The following GPHN variants were observed in gnomAD, a reference collection of about 807,000 sequenced individuals.
GPHN encodes gephyrin.
GPHN carries 17 observed loss-of-function variants against 95.5 expected under a neutral mutation model. The ratio of observed to expected loss-of-function variants is 0.18; its 90% CI spans 0.12 to 0.27. The LOEUF (loss-of-function observed/expected upper bound fraction) is 0.27. GPHN is among the 10% of genes least tolerant of loss of function. GPHN has a pLI of 1.00. For synonymous variants in GPHN, 320 were observed against 322.5 expected (o/e 0.99, Z 0.08); for missense variants, 660 against 978.1 (o/e 0.67, Z 4.34).
intron 10 of GPHN, among the ~76,000 whole-genome samples, chr14:67,023,897 C>T (rs2073793604): frequency 6.6e-6 from 1 of 152,084 alleles, no homozygotes; most frequent in Non-Finnish European, 1.5e-5. Context: ...CTTTGATGCA[C>T]TCCTAGGAGG....
the GPHN span, among the ~76,000 whole-genome samples, chr14:67,478,882 A>G: frequency 6.6e-6 from 1 of 151,696 alleles, no homozygotes; most frequent in African/African-American, 2.4e-5. Context: ...CAGCCTCCTG[A>G]GGAATGCTTG....
At chr14:66,761,658 T>C (rs2058758554) in intron 2 of GPHN, among the ~76,000 whole-genome samples, 1 of 151,244 alleles carries the variant, frequency 6.6e-6, no homozygotes. Flanking sequence ...AATACTCAGT[T>C]CTTTTTTTTT....
chr14:66,859,870 G>A (rs745679031), intron 4 of GPHN, among the ~76,000 whole-genome samples: 4 of 152,010 alleles, frequency 2.6e-5, no homozygotes, highest in Non-Finnish European at 5.9e-5. Context: ...TAGCAGAATC[G>A]ATCAATCAGA....
chr14:66,528,712 A>T (rs1325945873), intron 1 of GPHN, among the ~76,000 whole-genome samples: 1 of 152,010 alleles, frequency 6.6e-6, no homozygotes, highest in African/African-American at 2.4e-5. Flanking sequence ...TTTCTCCTTC[A>T]CTTGTGAAGC....
chr14:66,536,279 G>T (rs375996130), intron 1 of GPHN, among the ~76,000 whole-genome samples: 1 of 152,092 alleles, frequency 6.6e-6, no homozygotes, highest in African/African-American at 2.4e-5. Context: ...TGAATAGGTG[G>T]TAAACTTTGT....
At chr14:67,331,187 G>T in the GPHN span, among the ~76,000 whole-genome samples, 1 of 152,096 alleles carries the variant, frequency 6.6e-6, no homozygotes. Flanking sequence ...TGGGATTACA[G>T]ATGTGCACCA....
the GPHN span, among the ~76,000 whole-genome samples, chr14:67,636,254 A>G: frequency 3.3e-5 from 5 of 151,384 alleles, no homozygotes; most frequent in African/African-American, 1.2e-4. Context: ...GGATAGTCTT[A>G]TGCTGTCAAA....
the GPHN span, among the ~76,000 whole-genome samples, chr14:67,436,551 G>A: frequency 1.3e-5 from 2 of 152,156 alleles, no homozygotes; most frequent in African/African-American, 4.8e-5. Flanking sequence ...CCAGGCAGGG[G>A]AGAGTTTCTT....
At chr14:66,616,486 C>T (rs1302522837) in intron 1 of GPHN, among the ~76,000 whole-genome samples, 1 of 151,664 alleles carries the variant, frequency 6.6e-6, no homozygotes, top group East Asian at 2.0e-4. Context: ...AGGGCCACTG[C>T]AATTTGCTGG....
chr14:67,168,351 A>G (rs1308159151), intron 20 of GPHN, among the ~76,000 whole-genome samples: 2 of 152,210 alleles, frequency 1.3e-5, no homozygotes, highest in African/African-American at 4.8e-5. Context: ...CTCCAAATAT[A>G]GTCAATCATA....
At chr14:66,974,847 TCAC>T (rs2070107414) in intron 9 of GPHN, among the ~76,000 whole-genome samples, 1 of 152,190 alleles carries the variant, frequency 6.6e-6, no homozygotes, top group Non-Finnish European at 1.5e-5. Context: ...TGATGATGAA[TCAC>T]TTAATACATG....
the GPHN span, among the ~76,000 whole-genome samples, chr14:67,480,049 G>A: frequency 3.9e-5 from 6 of 152,138 alleles, no homozygotes; most frequent in Non-Finnish European, 4.4e-5. Context: ...TGAGGATAAC[G>A]GAAGTAATGA....
At position 66,664,034 on chromosome 14, in the gene GPHN, G is replaced by A. The variant is rs146957315; in HGVS notation, c.65-17073G>A. 3.5e-3 allele frequency among the ~76,000 whole-genome samples: 535 copies of A among 152,278 alleles called. 1 individual carries two copies. Among genetic ancestry groups the A allele is most frequent in the Non-Finnish European group, 6.1e-3 (413 of 68,024 alleles). On this transcript the variant is annotated intron_variant, in intron 1 of 22. Coordinates refer to ENST00000478722, the MANE Select transcript of GPHN (RefSeq NM_020806.5). Reference sequence around the variant, plus strand: ...TTAGACTCCCACACAATAATAGTGGGAGACTTTAACACCGCACTGACAATA... The same window carrying A: ...TTAGACTCCCACACAATAATAGTGGAAGACTTTAACACCGCACTGACAATA...
the GPHN span, among the ~76,000 whole-genome samples, chr14:67,219,968 G>A: frequency 6.6e-6 from 1 of 152,192 alleles, no homozygotes; most frequent in African/African-American, 2.4e-5. Context: ...GTTAATTATG[G>A]ATGAAAGATG....
At chr14:67,727,074 G>A in the GPHN span, 5 of 1,613,982 alleles carry the variant, frequency 3.1e-6, no homozygotes, top group African/African-American at 6.7e-5. Flanking sequence ...CACCACATTG[G>A]CAAGATTCCC....
the GPHN span, among the ~76,000 whole-genome samples, chr14:67,516,902 T>C: frequency 6.6e-6 from 1 of 152,240 alleles, no homozygotes; most frequent in African/African-American, 2.4e-5. Context: ...GCAGGAACTC[T>C]AGACTTCCCC....
chr14:66,825,263 T>C (rs1314646179), intron 4 of GPHN, among the ~76,000 whole-genome samples: 13 of 152,146 alleles, frequency 8.5e-5, no homozygotes, highest in Admixed American at 7.2e-4. Context: ...TCACCACTTG[T>C]GACATTGTTT....
intron 1 of GPHN, among the ~76,000 whole-genome samples, chr14:66,650,272 A>G (rs1292410962): frequency 2.6e-5 from 4 of 152,222 alleles, no homozygotes; most frequent in Non-Finnish European, 4.4e-5. Context: ...CACGCCCTGC[A>G]TTAGAAGACA....
At chr14:67,646,923 T>G in the GPHN span, 5 of 1,582,944 alleles carry the variant, frequency 3.2e-6, no homozygotes, top group African/African-American at 4.0e-5. Flanking sequence ...CATCACAGTT[T>G]TATTTTAAAG....
Sources: gnomAD v4.1 joint callset for allele counts (sites outside exome capture counted in the v4.1 genomes callset) on GRCh38, gnomAD v4.1.1 for gene constraint, MANE v1.5 for transcripts, NCBI Gene and HGNC (gene_info 2026-07-23, HGNC 2026-07-21) for gene names.